VWA3B: variants seen among roughly 807,000 people sequenced by gnomAD.
VWA3B encodes the protein von Willebrand factor A domain-containing protein 3B.
Under a neutral mutation model 158.3 loss-of-function variants are expected in VWA3B, and 138 were observed. The ratio of observed to expected loss-of-function variants is 0.87; its 90% CI spans 0.76 to 1.00. The LOEUF (loss-of-function observed/expected upper bound fraction) is 1.00. Among genes scored for constraint, VWA3B ranks in the 50% least tolerant of loss-of-function variants. The probability of loss-of-function intolerance (pLI) is 0.00; values close to 1 mark genes in which losing one functional copy is unlikely to be tolerated. For missense variants in VWA3B, 1,555 were observed against 1,565.1 expected (o/e 0.99, Z 0.11); for synonymous variants, 596 against 587.3 (o/e 1.01, Z -0.21).
At position 98,118,281 on chromosome 2, in the gene VWA3B, G is replaced by C. The variant is rs77483058; in HGVS notation, c.292-1232G>C. ...AAGGAGCTGGTAATTCTGTCTTAAG[G>C]GGCCATGAGAAGCCTCCAAGAAGTG... On this transcript the variant is annotated intron_variant, in intron 3 of 27. Transcript: ENST00000477737. Among the ~76,000 whole-genome samples the C allele has an allele frequency of 3.1e-4, 47 of 152,196 alleles. No homozygotes were observed. In the East Asian group the frequency reaches 8.3e-3, roughly 27 times the overall value.
At chr2:98,112,781 T>C (rs1384854907) in intron 2 of VWA3B, among the ~76,000 whole-genome samples, 1 of 152,066 alleles carries the variant, frequency 6.6e-6, no homozygotes, top group African/African-American at 2.4e-5. Flanking sequence ...CAAATCATAG[T>C]TTGCTAAGCA....
intron 16 of VWA3B, among the ~76,000 whole-genome samples, 170 bp from the exon 17 acceptor site, chr2:98,234,478 A>G (rs140983262): frequency 0.011 from 1,746 of 152,308 alleles, 31 homozygotes; most frequent in African/African-American, 0.04. Context: ...AATTCAGATA[A>G]AGGGAGCAGG....
At chr2:98,196,734 A>G (rs906560492) in intron 12 of VWA3B, among the ~76,000 whole-genome samples, 1 of 152,194 alleles carries the variant, frequency 6.6e-6, no homozygotes, top group Non-Finnish European at 1.5e-5. Context: ...TCAACAAAAG[A>G]CTATTGAGAA....
At chr2:98,252,363 T>C (rs1686852395) in intron 20 of VWA3B, among the ~76,000 whole-genome samples, 1 of 152,186 alleles carries the variant, frequency 6.6e-6, no homozygotes, top group South Asian at 2.1e-4. Flanking sequence ...CAAAATGCCA[T>C]ATAACAATAC....
intron 23 of VWA3B, among the ~76,000 whole-genome samples, chr2:98,295,880 A>C (rs62155293): frequency 0.039 from 5,964 of 152,328 alleles, 171 homozygotes; most frequent in Middle Eastern, 0.075. Flanking sequence ...CCTGGGCCCT[A>C]CAGCTGCCCA....
In VWA3B at chr2:98,205,853, A is replaced by C. The variant is rs1475770525; in HGVS notation, c.1738-6077A>C. ...ATTTTCATGTTGTCTTTCTGTTATT[A>C]ATTTCTATTTTGATTCCACTATAGT... On this transcript the variant is annotated intron_variant, in intron 12 of 27. Coordinates refer to ENST00000477737, the MANE Select transcript of VWA3B (RefSeq NM_144992.5). Among the ~76,000 whole-genome samples, 3 of 152,124 alleles carry C rather than the reference A, an allele frequency of 2.0e-5. No individual in the cohort carries two copies. In the East Asian group the frequency reaches 5.8e-4, roughly 29 times the overall value.
the VWA3B span, among the ~76,000 whole-genome samples, chr2:98,326,995 GA>G: frequency 4.4e-3 from 599 of 135,594 alleles, 7 homozygotes; most frequent in East Asian, 0.018. Flanking sequence ...TGAGTCACTT[GA>G]AAAAAAAAAA....
At position 98,135,626 on chromosome 2, in the gene VWA3B, C is replaced by T. The variant is rs1042508387; in HGVS notation, c.988+1687C>T. On this transcript the variant is annotated intron_variant, in intron 7 of 27. Coordinates refer to ENST00000477737, the MANE Select transcript of VWA3B (RefSeq NM_144992.5). Reference sequence around the variant, plus strand: ...CTGGGATTACAGGCGTGAGCCACCGCGCCCGGCCAAAAACATTTTTCTTAG... The same window carrying T: ...CTGGGATTACAGGCGTGAGCCACCGTGCCCGGCCAAAAACATTTTTCTTAG... Among the ~76,000 whole-genome samples, 4 of 152,190 alleles carry T rather than the reference C, an allele frequency of 2.6e-5. No homozygotes were observed. In the East Asian group the frequency reaches 5.8e-4, roughly 22 times the overall value.
In VWA3B at chr2:98,228,293, T is replaced by C. The variant is rs769313373; in HGVS notation, c.2111T>C (p.Met704Thr). The change falls in exon 15 of 28, where the codon ATG (methionine) becomes ACG (threonine). Residue 704 changes from methionine to threonine, a missense_variant. Physicochemically the swap from Met to Thr is moderately conservative, Grantham distance 81. Coordinates refer to ENST00000477737, the MANE Select transcript of VWA3B (RefSeq NM_144992.5). Reference sequence around the variant, plus strand: ...GACCTTTATTCTGAGTCCTTGATCATGGACTGGTGGTACAATGCAGAAAAG... The same window carrying C: ...GACCTTTATTCTGAGTCCTTGATCACGGACTGGTGGTACAATGCAGAAAAG... ...MQDLYSESLI[M>T]DWWYNAEKDG... 5 of 1,613,948 alleles carry C rather than the reference T, an allele frequency of 3.1e-6. No homozygotes were observed. In the Admixed American group the frequency reaches 6.7e-5, roughly 22 times the overall value.
chr2:98,168,364 AATACACACAC>A (rs1448079974), intron 8 of VWA3B, among the ~76,000 whole-genome samples: 1 of 117,542 alleles, frequency 8.5e-6, no homozygotes, highest in African/African-American at 3.2e-5. Flanking sequence ...GTTTCAATCT[AATACACACAC>A]ATACACACAC....
At chr2:98,237,887 G>GA (rs1685808346) in intron 19 of VWA3B, among the ~76,000 whole-genome samples, 1 of 152,162 alleles carries the variant, frequency 6.6e-6, no homozygotes, top group Admixed American at 6.5e-5. Context: ...GTGGGCGGGG[G>GA]AGAGTAGATG....
intron 1 of VWA3B, among the ~76,000 whole-genome samples, 168 bp downstream of exon 1, chr2:98,087,531 C>A (rs1213016488): frequency 3.3e-5 from 5 of 152,174 alleles, no homozygotes; most frequent in African/African-American, 1.2e-4. Flanking sequence ...CCCTGGCCCA[C>A]TTAATCGTCC....
chr2:98,309,686 T>C (rs1292642645), intron 26 of VWA3B, among the ~76,000 whole-genome samples: 1 of 152,242 alleles, frequency 6.6e-6, no homozygotes, highest in East Asian at 1.9e-4. Context: ...AAGTCATTGA[T>C]TGAAACTTCA....
At chr2:98,129,893 G>A (rs1223473665) in intron 6 of VWA3B, among the ~76,000 whole-genome samples, 1 of 152,104 alleles carries the variant, frequency 6.6e-6, no homozygotes, top group African/African-American at 2.4e-5. Flanking sequence ...CCCATGAAGG[G>A]GTGGGTTGCC....
intron 19 of VWA3B, chr2:98,245,744 C>T (rs1011053841): frequency 1.3e-4 from 45 of 346,466 alleles, no homozygotes; most frequent in Non-Finnish European, 2.0e-4. Context: ...TATTTACAGA[C>T]TTCTAACGGG....
chr2:98,284,712 G>A (rs72817797), intron 22 of VWA3B, among the ~76,000 whole-genome samples: 2,508 of 152,304 alleles, frequency 0.016, 29 homozygotes, highest in Middle Eastern at 0.034. Flanking sequence ...AAGAGCATTT[G>A]ATGGTCTGAA....
chr2:98,165,274 C>G (rs1179967161), intron 8 of VWA3B, among the ~76,000 whole-genome samples: 2 of 152,212 alleles, frequency 1.3e-5, no homozygotes, highest in Non-Finnish European at 2.9e-5. Context: ...AGTATTATCT[C>G]CGTTTTGGCT....
chr2:98,099,116 A>G (rs1406207401), intron 2 of VWA3B: 4 of 152,126 alleles, frequency 2.6e-5, no homozygotes, highest in African/African-American at 9.7e-5. Context: ...GATATAAGTA[A>G]TTTAAAAACC....
chr2:98,234,589 A>G (rs1685551674), intron 16 of VWA3B, 59 bp from the exon 17 acceptor site: 21 of 1,609,290 alleles, frequency 1.3e-5, no homozygotes, highest in Non-Finnish European at 1.7e-5. Context: ...AGTTATATCT[A>G]ATGAAGTATC....
Sources: gnomAD v4.1 joint callset for allele counts (sites outside exome capture counted in the v4.1 genomes callset) on GRCh38, gnomAD v4.1.1 for gene constraint, MANE v1.5 for transcripts, NCBI Gene and HGNC (gene_info 2026-07-23, HGNC 2026-07-21) for gene names.